Variants in SAG observed in about 807,000 individuals in gnomAD.
SAG encodes the protein S-antigen visual arrestin.
Under a neutral mutation model 55.0 loss-of-function variants are expected in SAG, and 45 were observed. That is an observed-to-expected ratio of 0.82 (90% CI 0.64 to 1.05). The LOEUF is 1.05. Among genes scored for constraint, SAG ranks in the 50% least tolerant of loss-of-function variants. SAG has a pLI of 0.00. For synonymous variants in SAG, 189 were observed against 197.4 expected (o/e 0.96, Z 0.36); for missense variants, 455 against 512.1 (o/e 0.89, Z 1.08).
rs191660770 is a variant in SAG at position 233,346,772 on chromosome 2, G to A, written c.1113-35G>A. ...TGTTTCAGTTTCAGCTTCAAAGGGC[G>A]TGCAATGATCAAAATGTTGTTTGTT... On this transcript the variant is annotated intron_variant, in intron 15 of 15. Transcript: ENST00000409110. 328 of 1,324,784 alleles carry A rather than the reference G, an allele frequency of 2.5e-4. No homozygotes were observed. In the Middle Eastern group the frequency reaches 2.8e-3, roughly 11 times the overall value. 82.1% of individuals were successfully genotyped at this position (1,324,784 alleles called of 1,614,324 possible). A position where few individuals can be genotyped will look rare whatever the true frequency, so the allele number is the denominator to read the frequency against.
intron 14 of SAG, chr2:233,342,747 A>T (rs1158002855): frequency 5.9e-6 from 1 of 170,844 alleles, no homozygotes; most frequent in African/African-American, 2.4e-5. Context: ...ATTAACAGAC[A>T]TTTAAAAGAA....
chr2:233,324,112 G>T (rs1426530180), intron 6 of SAG, among the ~76,000 whole-genome samples: 2 of 152,100 alleles, frequency 1.3e-5, no homozygotes, highest in Non-Finnish European at 2.9e-5. Flanking sequence ...GATGAAAGGG[G>T]GAGGCCAAGT....
In SAG at chr2:233,318,771, C is replaced by T; in HGVS notation, c.157C>T (p.Pro53Ser). The change falls in exon 4 of 16, where the codon CCT becomes TCT. Residue 53 changes from proline (P) to serine (S), a missense_variant. Transcript: ENST00000409110. ...CTTAGATGGTGTCGTGTTGGTTGAT[C>T]CTGATCTTGTGAAGGGAAAGAAAGG... is the stretch of plus-strand genomic sequence containing the variant. ...QPVDGVVLVDPDLVKGKKVYV... is the reference protein window; with the variant it reads ...QPVDGVVLVDSDLVKGKKVYV... 1.2e-6 allele frequency: 2 copies of T among 1,613,918 alleles called. No individual in the cohort carries two copies. Among genetic ancestry groups the T allele is most frequent in the South Asian group, 1.1e-5 (1 of 91,082 alleles).
chr2:233,338,548 C>T, intron 11 of SAG, 128 bp from the exon 12 acceptor site: 2 of 784,906 alleles, frequency 2.5e-6, no homozygotes, highest in East Asian at 5.1e-5. Context: ...ACTTTGGAAG[C>T]TCAGTGAGTT....
At chr2:233,330,885 T>C (rs549075378) in intron 9 of SAG, among the ~76,000 whole-genome samples, 1 of 152,114 alleles carries the variant, frequency 6.6e-6, no homozygotes, top group East Asian at 1.9e-4. Flanking sequence ...GGCTGGGCAC[T>C]GTACTGCATG....
chr2:233,315,281 C>CTTTTT (rs5839476), intron 2 of SAG, among the ~76,000 whole-genome samples: 14 of 69,390 alleles, frequency 2.0e-4, no homozygotes, highest in African/African-American at 3.2e-4. Context: ...TCCAGAAGTT[C>CTTTTT]TTTTTTTTTT....
At chr2:233,315,859 C>G (rs1369228269) in intron 2 of SAG, among the ~76,000 whole-genome samples, 1 of 151,788 alleles carries the variant, frequency 6.6e-6, no homozygotes, top group East Asian at 1.9e-4. Flanking sequence ...CGTGCCACCA[C>G]GCCCAGCTAA....
At chr2:233,322,010 C>T (rs1048098823) in intron 5 of SAG, among the ~76,000 whole-genome samples, 3 of 149,146 alleles carry the variant, frequency 2.0e-5, no homozygotes, top group Non-Finnish European at 4.5e-5. Context: ...CACACACACA[C>T]ACACACACAC....
rs913000966 is a variant in SAG, at chr2:233,309,106, T to C, written c.-28-56T>C. 4.9e-6 allele frequency: 5 copies of C among 1,012,890 alleles called. No homozygotes were observed. In the African/African-American group the frequency reaches 8.0e-5, roughly 16 times the overall value. 62.7% of individuals were successfully genotyped at this position (1,012,890 alleles called of 1,614,324 possible). ...CATAACTAGGATGTTCTTGACTTGA[T>C]ATTTAGGATTGTCTTACCTTTCTCC... is the stretch of plus-strand genomic sequence containing the variant. On this transcript the variant is annotated intron_variant, in intron 1 of 15. Transcript: ENST00000409110.
intron 5 of SAG, 51 bp from the exon 6 acceptor site, chr2:233,322,895 T>C (rs2125330586): frequency 9.4e-7 from 1 of 1,066,534 alleles, no homozygotes; most frequent in Non-Finnish European, 1.4e-6. Context: ...TATTACTTAA[T>C]GGAACAGCCC....
intron 7 of SAG, chr2:233,328,194 G>C (rs1049781587): frequency 1.1e-5 from 4 of 352,890 alleles, no homozygotes; most frequent in Non-Finnish European, 2.1e-5. Flanking sequence ...ACAGGAGGCA[G>C]AGCTGGGAAT....
Position 233,346,819 on chromosome 2 carries a change from A to G in SAG, c.1125A>G (p.Ala375=). 1 of 1,607,896 alleles carries G rather than the reference A, an allele frequency of 6.2e-7. No homozygotes were observed. The highest frequency in any genetic ancestry group is 1.1e-5 in the South Asian group (1 of 90,368). ...TGTTTTATTTTAGTTATCAGGATGC[A>G]AATTTAGTTTTTGAGGAGTTTGCTC... ...EDPAKESYQD[A]NLVFEEFARH... The change falls in exon 16 of 16, where the codon GCA becomes GCG. Residue 375 remains alanine (A), a synonymous_variant. Transcript: ENST00000409110.
At chr2:233,317,795 A>C (rs887855596) in intron 3 of SAG, among the ~76,000 whole-genome samples, 8 of 145,650 alleles carry the variant, frequency 5.5e-5, no homozygotes, top group African/African-American at 2.1e-4. Flanking sequence ...CGTTTTCTCT[A>C]TATGTGTGTG....
In SAG at chr2:233,309,142, C is replaced by G. The variant is rs370947860; in HGVS notation, c.-28-20C>G. 2 of 1,492,364 alleles carry G rather than the reference C, an allele frequency of 1.3e-6. No individual in the cohort carries two copies. Among genetic ancestry groups the G allele is most frequent in the East Asian group, 4.5e-5 (2 of 44,044 alleles). 92.4% of individuals were successfully genotyped at this position (1,492,364 alleles called of 1,614,324 possible). A position where few individuals can be genotyped will look rare whatever the true frequency, so the allele number is the denominator to read the frequency against. On this transcript the variant is annotated intron_variant, in intron 1 of 15. Transcript: ENST00000409110. ...GTCTTACCTTTCTCCAACCCTCTAA[C>G]ACCTGACCAACACCCCAAGGTGGTA... is the stretch of plus-strand genomic sequence containing the variant.
intron 9 of SAG, among the ~76,000 whole-genome samples, chr2:233,330,829 G>A (rs879209617): frequency 6.6e-6 from 1 of 152,044 alleles, no homozygotes; most frequent in Non-Finnish European, 1.5e-5. Flanking sequence ...ACTGCACCCG[G>A]ATAGCTGTTA....
intron 6 of SAG, among the ~76,000 whole-genome samples, chr2:233,325,961 A>C (rs1291601483): frequency 6.6e-6 from 1 of 152,196 alleles, no homozygotes; most frequent in Non-Finnish European, 1.5e-5. Flanking sequence ...GACTGCTATG[A>C]TTCCCTGGTT....
At chr2:233,338,617 A>T in intron 11 of SAG, 59 bp from the exon 12 acceptor site, 1 of 1,469,898 alleles carries the variant, frequency 6.8e-7, no homozygotes, top group South Asian at 1.1e-5. Flanking sequence ...AAGGCTGCCC[A>T]TCTGCTCTTC....
At chr2:233,309,374 G>GGC in intron 2 of SAG, 110 bp downstream of exon 2, 1 of 978,678 alleles carries the variant, frequency 1.0e-6, no homozygotes, top group East Asian at 2.8e-5. Context: ...TGAGGGCCAG[G>GGC]GCGCGGTGGC....
In SAG at chr2:233,322,819, T is replaced by G. The variant is rs1294409284; in HGVS notation, c.376-127T>G. On this transcript the variant is annotated intron_variant, in intron 5 of 15. Transcript: ENST00000409110. ...AATATGTATTTGGGTGTCAGGAGTA[T>G]AGGTGAATGTGATTTTTCTTTTTTC... 1.7e-5 allele frequency: 11 copies of G among 662,628 alleles called. No individual in the cohort carries two copies. The Admixed American group carries it at 3.2e-4, about 19-fold the overall frequency. The allele number at this position is 662,628 out of a possible 1,614,324, so 41.0% of individuals were successfully genotyped here. A position where few individuals can be genotyped will look rare whatever the true frequency, so the allele number is the denominator to read the frequency against.
Sources: gnomAD v4.1 joint callset for allele counts (sites outside exome capture counted in the v4.1 genomes callset) on GRCh38, gnomAD v4.1.1 for gene constraint, MANE v1.5 for transcripts, NCBI Gene and HGNC (gene_info 2026-07-23, HGNC 2026-07-21) for gene names.